The following CPXM2 variants were observed in gnomAD, a reference collection of about 807,000 sequenced individuals.
CPXM2 encodes carboxypeptidase X, M14 family member 2.
A neutral mutation model predicts 86.1 loss-of-function variants in CPXM2; 66 were observed. That is an observed-to-expected ratio of 0.77 (90% CI 0.63 to 0.94). The LOEUF is 0.94. Ranked by LOEUF, CPXM2 falls within the 40% of genes least tolerant of loss-of-function variation. The pLI is 0.00. For missense variants in CPXM2, 948 were observed against 1,026.3 expected (o/e 0.92, Z 1.04); for synonymous variants, 388 against 400.2 (o/e 0.97, Z 0.36).
Position 123,757,243 on chromosome 10 carries a change from G to A in CPXM2, c.1887C>T (p.Asn629=). 1 of 1,614,004 alleles carries A rather than the reference G, an allele frequency of 6.2e-7. No homozygotes were observed. Among genetic ancestry groups the A allele is most frequent in the Non-Finnish European group, 8.5e-7 (1 of 1,179,946 alleles). ...ESQLPEEWEN[N]RESLIVFMEQ... ...CCATGAACACGATCAGAGATTCCCG[G>A]TTATTCTCCCACTCCTCGGGCAGCT... Residue 629 remains asparagine (N), a synonymous_variant, in exon 12 of 14, where the codon AAC becomes AAT. Transcript: ENST00000241305.
In CPXM2 at chr10:123,872,024, T is replaced by C. The variant is rs77849890; in HGVS notation, c.403+8187A>G. Among the ~76,000 whole-genome samples, 22 of 152,110 alleles carry C rather than the reference T, an allele frequency of 1.4e-4. No homozygotes were observed. The East Asian group carries it at 3.9e-3, about 27-fold the overall frequency. On this transcript the variant is annotated intron_variant, in intron 2 of 13. Coordinates refer to ENST00000241305, the MANE Select transcript of CPXM2 (RefSeq NM_198148.3). ...TGAGATATCAGCATATACCCACCAA[T>C]AGGAAGAAAATAAAGGCTGACAATA... is the stretch of plus-strand genomic sequence containing the variant.
chr10:123,836,502 TG>T (rs1848284525), intron 4 of CPXM2, among the ~76,000 whole-genome samples: 3 of 152,268 alleles, frequency 2.0e-5, no homozygotes, highest in African/African-American at 7.2e-5. Context: ...CCAACTCCAC[TG>T]CCCCTGGTGA....
chr10:123,889,456 A>C (rs1945231088), intron 1 of CPXM2, among the ~76,000 whole-genome samples: 1 of 136,340 alleles, frequency 7.3e-6, no homozygotes, highest in East Asian at 2.6e-4. Context: ...AGCTAGTTCC[A>C]TGTGGTGGGG....
At chr10:123,817,411 C>A (rs12218449) in intron 4 of CPXM2, among the ~76,000 whole-genome samples, 33,055 of 152,014 alleles carry the variant, frequency 0.22, 4,143 homozygotes, top group East Asian at 0.42. Context: ...CCATCTTCTG[C>A]AAATAATGAC....
intron 2 of CPXM2, among the ~76,000 whole-genome samples, chr10:123,898,857 G>A (rs1290223497): frequency 6.6e-6 from 1 of 152,132 alleles, no homozygotes. Flanking sequence ...CAATTCTCCT[G>A]CCTCAGCCTC....
chr10:123,855,215 C>T (rs1844204976), intron 3 of CPXM2, among the ~76,000 whole-genome samples: 1 of 152,106 alleles, frequency 6.6e-6, no homozygotes, highest in Non-Finnish European at 1.5e-5. Flanking sequence ...AGATGTAGAA[C>T]AAAATCCCTT....
At chr10:123,823,610 A>G (rs1185520060) in intron 4 of CPXM2, among the ~76,000 whole-genome samples, 1 of 152,208 alleles carries the variant, frequency 6.6e-6, no homozygotes, top group Non-Finnish European at 1.5e-5. Context: ...ACTTGGCAAT[A>G]TAACTGTTTT....
intron 4 of CPXM2, among the ~76,000 whole-genome samples, chr10:123,831,471 CCCT>C (rs2134132506): frequency 6.6e-6 from 1 of 152,330 alleles, no homozygotes; most frequent in Non-Finnish European, 1.5e-5. Context: ...CTTTCATGTG[CCCT>C]CGGCACTTTG....
chr10:123,795,920 G>A (rs1237901791), intron 6 of CPXM2, among the ~76,000 whole-genome samples: 3 of 152,134 alleles, frequency 2.0e-5, no homozygotes, highest in Non-Finnish European at 4.4e-5. Flanking sequence ...GCCAACAACA[G>A]ATGAGTTCCT....
chr10:123,851,280 C>T (rs1035851164), intron 3 of CPXM2, among the ~76,000 whole-genome samples: 1 of 152,196 alleles, frequency 6.6e-6, no homozygotes, highest in Non-Finnish European at 1.5e-5. Context: ...TACCCTTTGT[C>T]CAATAAACTC....
At chr10:123,759,352 A>G (rs778047730) in intron 11 of CPXM2, among the ~76,000 whole-genome samples, 3 of 152,218 alleles carry the variant, frequency 2.0e-5, no homozygotes, top group Non-Finnish European at 2.9e-5. Context: ...TTAGCACTGA[A>G]ATAAATGCGA....
chr10:123,773,678 T>C (rs1846712103), intron 7 of CPXM2, among the ~76,000 whole-genome samples: 1 of 152,184 alleles, frequency 6.6e-6, no homozygotes, highest in Admixed American at 6.5e-5. Flanking sequence ...AATGACCCAG[T>C]TCATTGCCAC....
At chr10:123,769,754 C>T (rs1052424692) in intron 8 of CPXM2, among the ~76,000 whole-genome samples, 6 of 152,116 alleles carry the variant, frequency 3.9e-5, no homozygotes, top group African/African-American at 1.2e-4. Context: ...TGAATCTGCC[C>T]GTGCCTTAAC....
At chr10:123,919,814 C>G (rs1945566609) in intron 2 of CPXM2, among the ~76,000 whole-genome samples, 1 of 152,162 alleles carries the variant, frequency 6.6e-6, no homozygotes, top group Non-Finnish European at 1.5e-5. Context: ...GTATCTCCTT[C>G]TGGTGAGGGC....
chr10:123,941,753 G>A (rs929215427), upstream of CPXM2, among the ~76,000 whole-genome samples: 1 of 152,202 alleles, frequency 6.6e-6, no homozygotes, highest in African/African-American at 2.4e-5. Flanking sequence ...CTTTGGGGGT[G>A]CTTTGAAGAA....
intron 2 of CPXM2, among the ~76,000 whole-genome samples, 191 bp downstream of exon 2, chr10:123,880,020 T>C (rs1032207699): frequency 2.6e-5 from 4 of 152,250 alleles, no homozygotes; most frequent in East Asian, 1.9e-4. Flanking sequence ...AGTGCACAAG[T>C]GTGAGTGTGG....
At chr10:123,773,488 A>G (rs184065265) in intron 7 of CPXM2, among the ~76,000 whole-genome samples, 1 of 152,318 alleles carries the variant, frequency 6.6e-6, no homozygotes, top group Admixed American at 6.5e-5. Context: ...CCCACTCACT[A>G]CACTGCAGAT....
chr10:123,915,243 TC>T, intron 2 of CPXM2, among the ~76,000 whole-genome samples: 1 of 152,122 alleles, frequency 6.6e-6, no homozygotes, highest in East Asian at 1.9e-4. Flanking sequence ...GGAGATCTCC[TC>T]CTATCTCTCC....
chr10:123,771,033 T>G lies in CPXM2; in HGVS notation c.985A>C (p.Lys329Gln), dbSNP rs1395009327. The change falls in exon 8 of 14, where the codon AAA (lysine) becomes CAA (glutamine). Residue 329 changes from lysine (K) to glutamine (Q), a missense_variant. By Grantham distance (53) the Lys-to-Gln change is moderately conservative (BLOSUM62 1). Transcript: ENST00000241305. ...HNYKEMRQLMKVVNEMCPNIT... is the reference protein window; with the variant it reads ...HNYKEMRQLMQVVNEMCPNIT... ...TTGGGACACATTTCATTCACAACTTTCATCAACTGAAAAACAAGGTGAATC... is the reference window on the plus strand; with the variant it reads ...TTGGGACACATTTCATTCACAACTTGCATCAACTGAAAAACAAGGTGAATC... 6.2e-7 allele frequency: 1 copy of G among 1,612,730 alleles called. No individual in the cohort carries two copies. The highest frequency in any genetic ancestry group is 8.5e-7 in the Non-Finnish European group (1 of 1,179,402).
Sources: gnomAD v4.1 joint callset for allele counts (sites outside exome capture counted in the v4.1 genomes callset) on GRCh38, gnomAD v4.1.1 for gene constraint, MANE v1.5 for transcripts, NCBI Gene and HGNC (gene_info 2026-07-23, HGNC 2026-07-21) for gene names.